SKI: variants seen among roughly 807,000 people sequenced by gnomAD.
The protein encoded by SKI is ski oncogene.
In SKI, 23 loss-of-function variants were observed where a neutral mutation model predicts 59.3. The ratio of observed to expected loss-of-function variants is 0.39; its 90% CI spans 0.28 to 0.55. The LOEUF (loss-of-function observed/expected upper bound fraction) is 0.55. Ranked by LOEUF, SKI falls within the 20% of genes least tolerant of loss-of-function variation. The pLI, the probability that SKI is intolerant of heterozygous loss-of-function variation, is 0.67. For missense variants in SKI, 1,017 were observed against 1,038.9 expected, an observed-to-expected ratio of 0.98 and a Z score of 0.29; for synonymous variants, 673 against 488.6, an observed-to-expected ratio of 1.38 and a Z score of -4.98.
At chr1:2,271,095 C>G (rs755830219) in intron 1 of SKI, among the ~76,000 whole-genome samples, 2 of 152,200 alleles carry the variant, frequency 1.3e-5, no homozygotes, top group Non-Finnish European at 2.9e-5. Context: ...CACCCCAGAA[C>G]TTGGGGTTTC....
intron 1 of SKI, among the ~76,000 whole-genome samples, chr1:2,294,572 C>T (rs963881846): frequency 6.6e-6 from 1 of 152,274 alleles, no homozygotes. Flanking sequence ...CCCAGGGCCA[C>T]CTTGTCACGT....
intron 1 of SKI, among the ~76,000 whole-genome samples, chr1:2,302,118 C>G (rs932399668): frequency 2.6e-5 from 4 of 152,236 alleles, no homozygotes; most frequent in Non-Finnish European, 4.4e-5. Flanking sequence ...GCACACAACC[C>G]ACATCACTCA....
At chr1:2,293,661 G>A (rs531149998) in intron 1 of SKI, among the ~76,000 whole-genome samples, 95 of 152,282 alleles carry the variant, frequency 6.2e-4, no homozygotes, top group Non-Finnish European at 1.0e-3. Context: ...TTTAAGCTGC[G>A]TGTCCTCGTG....
Position 2,309,524 on chromosome 1 carries a change from C to T in SKI, c.*2759C>T, listed in dbSNP as rs1201152281. ...TGGGTCCTTTTTCAGAAACTCTTTT[C>T]TTACCTGAGAGTTGTCTTGTTTTCT... On this transcript the variant is annotated 3_prime_UTR_variant, in exon 7 of 7. Coordinates refer to ENST00000378536, the MANE Select transcript of SKI (RefSeq NM_003036.4). The T allele has an allele frequency of 2.0e-5, 3 of 152,066 alleles. No homozygotes were observed. Among genetic ancestry groups the T allele is most frequent in the Non-Finnish European group, 4.4e-5 (3 of 68,004 alleles). 9.4% of individuals were successfully genotyped at this position (152,066 alleles called of 1,614,324 possible). A position where few individuals can be genotyped will look rare whatever the true frequency, so the allele number is the denominator to read the frequency against.
intron 1 of SKI, among the ~76,000 whole-genome samples, chr1:2,298,391 G>T (rs973981238): frequency 2.6e-5 from 4 of 152,166 alleles, no homozygotes; most frequent in Non-Finnish European, 4.4e-5. Context: ...CATGGCTGCT[G>T]CTGTGCGCCT....
intron 1 of SKI, among the ~76,000 whole-genome samples, chr1:2,262,402 G>T (rs1011700764): frequency 1.4e-5 from 2 of 146,408 alleles, no homozygotes; most frequent in African/African-American, 5.1e-5. Context: ...CTGATCTCCT[G>T]ATCTGGAAGG....
chr1:2,307,642 T>A lies in SKI; in HGVS notation c.*877T>A, dbSNP rs1422095793. On this transcript the variant is annotated 3_prime_UTR_variant, in exon 7 of 7. Transcript: ENST00000378536. The stretch of plus-strand genomic sequence containing the variant: ...TTCGGCAAACGTCGCTCCCTTCATT[T>A]TGGGACTGAGGCTGCAGCATTGGAA... 1 of 152,562 alleles carries A rather than the reference T, an allele frequency of 6.6e-6. No individual in the cohort carries two copies. The highest frequency in any genetic ancestry group is 1.9e-4 in the East Asian group (1 of 5,202). 9.5% of individuals were successfully genotyped at this position (152,562 alleles called of 1,614,324 possible).
chr1:2,299,934 G>A (rs1640382596), intron 1 of SKI, among the ~76,000 whole-genome samples: 1 of 152,174 alleles, frequency 6.6e-6, no homozygotes, highest in African/African-American at 2.4e-5. Flanking sequence ...TACTGTGGCT[G>A]CCCAGTCCTC....
chr1:2,235,024 G>A (rs1044022648), intron 1 of SKI, among the ~76,000 whole-genome samples: 7 of 145,836 alleles, frequency 4.8e-5, no homozygotes, highest in African/African-American at 7.8e-5. Context: ...GTGGTCTGGA[G>A]CAGGGTTTTT....
rs1223252750 is a variant in SKI, at chr1:2,302,974, G to A, written c.970-4G>A. ...GTGCCAACAAAACCTTTCATTGATC[G>A]CAGGTCTCCTCTGAGCCTCCGGCCT... On this transcript the variant is annotated splice_polypyrimidine_tract_variant and splice_region_variant and intron_variant, in intron 1 of 6. Coordinates refer to ENST00000378536, the MANE Select transcript of SKI (RefSeq NM_003036.4). 7.4e-6 allele frequency: 12 copies of A among 1,613,454 alleles called. No individual in the cohort carries two copies. The highest frequency in any genetic ancestry group is 2.2e-5 in the South Asian group (2 of 91,090).
intron 1 of SKI, among the ~76,000 whole-genome samples, chr1:2,263,397 C>G (rs1286356451): frequency 6.6e-6 from 1 of 151,800 alleles, no homozygotes; most frequent in Admixed American, 6.6e-5. Context: ...GCCACTGTGC[C>G]TGGCTAATTT....
In SKI at chr1:2,303,558, A is replaced by T; in HGVS notation, c.1211+158A>T. The T allele has an allele frequency of 1.4e-6, 1 of 719,870 alleles. No individual in the cohort carries two copies. Among genetic ancestry groups the T allele is most frequent in the Non-Finnish European group, 2.3e-6 (1 of 433,868 alleles). 44.6% of individuals were successfully genotyped at this position (719,870 alleles called of 1,614,324 possible). A position where few individuals can be genotyped will look rare whatever the true frequency, so the allele number is the denominator to read the frequency against. ...TTGGTTCCTTTGGCTGGCATCAGGGAGAGCACACCTAGAGCGTTCCCTGTG... is the reference window on the plus strand; with the variant it reads ...TTGGTTCCTTTGGCTGGCATCAGGGTGAGCACACCTAGAGCGTTCCCTGTG... On this transcript the variant is annotated intron_variant, in intron 3 of 6. Transcript: ENST00000378536. The surrounding 1 kb of genome is among the most constrained non-coding windows in gnomAD (Gnocchi z 5.6).
chr1:2,234,753 T>C (rs759717106), intron 1 of SKI, among the ~76,000 whole-genome samples: 4 of 152,220 alleles, frequency 2.6e-5, no homozygotes, highest in Non-Finnish European at 5.9e-5. Context: ...GGAAGAATTA[T>C]GCAAGCTTCA....
Position 2,228,734 on chromosome 1 carries a change from G to T in SKI, c.-33G>T. ...GGGCCGGGGGGGCCCGGGCGCGCGG[G>T]AGCGGGAGCGGCCGGGGGAGCCGGA... On this transcript the variant is annotated 5_prime_UTR_variant, in exon 1 of 7. Transcript: ENST00000378536. 1 of 1,059,526 alleles carries T rather than the reference G, an allele frequency of 9.4e-7. No homozygotes were observed. The highest frequency in any genetic ancestry group is 3.9e-5 in the South Asian group (1 of 25,816). 65.6% of individuals were successfully genotyped at this position (1,059,526 alleles called of 1,614,324 possible).
intron 1 of SKI, among the ~76,000 whole-genome samples, chr1:2,294,210 C>T (rs555041332): frequency 1.3e-5 from 2 of 152,290 alleles, no homozygotes; most frequent in South Asian, 2.1e-4. Flanking sequence ...CTGATAGCTC[C>T]GCAGGATTCA....
chr1:2,306,397 AG>A lies in SKI; in HGVS notation c.1998+150del, dbSNP rs759517139. The A allele has an allele frequency of 8.7e-4, 871 of 999,494 alleles. 9 individuals are homozygous for A. The highest frequency in any genetic ancestry group is 1.9e-4 in the Non-Finnish European group (131 of 696,140). 61.9% of individuals were successfully genotyped at this position (999,494 alleles called of 1,614,324 possible). On this transcript the variant is annotated intron_variant, in intron 6 of 6. Coordinates refer to ENST00000378536, the MANE Select transcript of SKI (RefSeq NM_003036.4). ...CCGTGCGTGCCCCCCCGACGGGCAC[AG>A]GGTGGGTGGTTGCTGGGCCCTGCGT...
intron 1 of SKI, among the ~76,000 whole-genome samples, chr1:2,253,271 C>CGGGCTCCAGAGCACCCAGGTTGGTATCAT (rs1402683285): frequency 2.6e-5 from 4 of 152,010 alleles, no homozygotes; most frequent in African/African-American, 9.7e-5. Flanking sequence ...GCCGGTATCA[C>CGGGCTCCAGAGCACCCAGGTTGGTATCAT]GGGCTCCAGA....
chr1:2,307,288 G>A lies in SKI; in HGVS notation c.*523G>A, dbSNP rs116161617. The A allele has an allele frequency of 0.015, 2,274 of 152,422 alleles. 26 individuals carry two copies. Among genetic ancestry groups the A allele is most frequent in the Non-Finnish European group, 0.026 (1,758 of 68,088 alleles). The allele number at this position is 152,422 out of a possible 1,614,324, so 9.4% of individuals were successfully genotyped here. ...CAGAGTCTATTTTTTCAGCGACAAG[G>A]ACCCAGGTCTTCCTGCTGCTGCCAG... On this transcript the variant is annotated 3_prime_UTR_variant, in exon 7 of 7. Coordinates refer to ENST00000378536, the MANE Select transcript of SKI (RefSeq NM_003036.4).
At position 2,259,027 on chromosome 1, in the gene SKI, A is replaced by C. The variant is rs1329427061; in HGVS notation, c.969+29292A>C. On this transcript the variant is annotated intron_variant, in intron 1 of 6. Coordinates refer to ENST00000378536, the MANE Select transcript of SKI (RefSeq NM_003036.4). ...GTTTGGAATCTTGGGCTGGCTTCTG[A>C]AATGACATGCTGTGGGCTCCATCCC... 3.9e-5 allele frequency among the ~76,000 whole-genome samples: 6 copies of C among 152,182 alleles called. No individual in the cohort carries two copies. The East Asian group carries it at 9.6e-4, about 24-fold the overall frequency.
Sources: allele counts gnomAD v4.1 joint callset (sites outside exome capture counted in the v4.1 genomes callset), GRCh38; gene constraint gnomAD v4.1.1; non-coding constraint Gnocchi (gnomAD v3.1); transcripts MANE v1.5; gene names NCBI Gene and HGNC (gene_info 2026-07-23, HGNC 2026-07-21).